AUTS2: variants seen among roughly 807,000 people sequenced by gnomAD.
AUTS2 encodes the protein autism susceptibility gene 2 protein.
A neutral mutation model predicts 112.4 loss-of-function variants in AUTS2; 17 were observed. The observed-to-expected ratio is 0.15, with a 90% confidence interval of 0.10 to 0.23. AUTS2 has a LOEUF of 0.23. Ranked by LOEUF, AUTS2 falls within the 10% of genes least tolerant of loss-of-function variation. The probability of loss-of-function intolerance (pLI) is 1.00; values close to 1 mark genes in which losing one functional copy is unlikely to be tolerated. For missense variants in AUTS2, 1,510 were observed against 1,701.6 expected (o/e 0.89, Z 1.98); for synonymous variants, 751 against 702.7 (o/e 1.07, Z -1.09).
chr7:70,591,111 G>A (rs1011608351), intron 5 of AUTS2, among the ~76,000 whole-genome samples: 2 of 152,178 alleles, frequency 1.3e-5, no homozygotes, highest in Non-Finnish European at 1.5e-5. Context: ...TGTGACTTGA[G>A]TAAGGCTCAG....
chr7:70,739,878 G>C (rs1017381180), intron 6 of AUTS2, among the ~76,000 whole-genome samples: 1 of 151,406 alleles, frequency 6.6e-6, no homozygotes, highest in African/African-American at 2.4e-5. Context: ...GTTCCCCTTG[G>C]GGCCATGTAA....
chr7:70,476,816 A>C (rs572275539), intron 5 of AUTS2, among the ~76,000 whole-genome samples: 1 of 152,190 alleles, frequency 6.6e-6, no homozygotes, highest in East Asian at 1.9e-4. Flanking sequence ...TATGAATGTA[A>C]AGCACAGTGC....
At chr7:69,849,588 T>C (rs961934812) in intron 1 of AUTS2, among the ~76,000 whole-genome samples, 4 of 151,968 alleles carry the variant, frequency 2.6e-5, no homozygotes, top group African/African-American at 9.7e-5. Flanking sequence ...ATAAATTTTA[T>C]TCATTTAAAA....
At chr7:70,511,874 G>A (rs1799210900) in intron 5 of AUTS2, among the ~76,000 whole-genome samples, 2 of 152,022 alleles carry the variant, frequency 1.3e-5, no homozygotes, top group South Asian at 2.1e-4. Context: ...ATCACATCCG[G>A]CCTGTCCTGT....
At chr7:70,479,070 A>C (rs1797691890) in intron 5 of AUTS2, among the ~76,000 whole-genome samples, 1 of 152,062 alleles carries the variant, frequency 6.6e-6, no homozygotes. Context: ...AGTGCAGAGA[A>C]AAAGGAGGTC....
chr7:70,204,031 C>CCA (rs200459194), intron 4 of AUTS2, among the ~76,000 whole-genome samples: 2,400 of 149,326 alleles, frequency 0.016, 66 homozygotes, highest in African/African-American at 0.052. Context: ...ACGTGTATGT[C>CCA]CACACACATA....
chr7:69,710,903 A>T (rs1384153900), intron 1 of AUTS2, among the ~76,000 whole-genome samples: 1 of 152,152 alleles, frequency 6.6e-6, no homozygotes, highest in East Asian at 1.9e-4. Context: ...ATTTGTCTGA[A>T]CTGGCCTGTG....
chr7:70,454,199 T>G (rs1796642025), intron 5 of AUTS2, among the ~76,000 whole-genome samples: 1 of 152,168 alleles, frequency 6.6e-6, no homozygotes, highest in Admixed American at 6.5e-5. Context: ...GGGTCTCTCT[T>G]TTTTTGGGGA....
chr7:69,911,281 G>C (rs1354942024), intron 2 of AUTS2, among the ~76,000 whole-genome samples: 1 of 152,170 alleles, frequency 6.6e-6, no homozygotes, highest in Non-Finnish European at 1.5e-5. Context: ...GGGCAACAAG[G>C]TGGCACCCAG....
intron 1 of AUTS2, among the ~76,000 whole-genome samples, chr7:69,715,993 T>C (rs1037784824): frequency 6.6e-6 from 1 of 152,182 alleles, no homozygotes; most frequent in Non-Finnish European, 1.5e-5. Context: ...TCTTAACCAC[T>C]ACACTGTCTG....
At chr7:70,439,756 A>G (rs1235371980) in intron 5 of AUTS2, among the ~76,000 whole-genome samples, 2 of 152,178 alleles carry the variant, frequency 1.3e-5, no homozygotes, top group Non-Finnish European at 2.9e-5. Flanking sequence ...TGCAATTGCC[A>G]AATATTTGGC....
intron 2 of AUTS2, among the ~76,000 whole-genome samples, chr7:69,975,291 G>T (rs1438672031): frequency 6.6e-6 from 1 of 151,638 alleles, no homozygotes; most frequent in Non-Finnish European, 1.5e-5. Flanking sequence ...AGATTTTTTT[G>T]CTATCTTTAG....
At chr7:70,441,574 A>G (rs1046466824) in intron 5 of AUTS2, among the ~76,000 whole-genome samples, 4 of 152,178 alleles carry the variant, frequency 2.6e-5, no homozygotes, top group Non-Finnish European at 5.9e-5. Flanking sequence ...TTCTGTAGAG[A>G]TGGAGTCTCA....
intron 5 of AUTS2, among the ~76,000 whole-genome samples, chr7:70,676,172 G>C (rs1318646711): frequency 4.6e-5 from 7 of 152,226 alleles, no homozygotes; most frequent in Admixed American, 1.3e-4. Flanking sequence ...CAGATGTGGT[G>C]GCTCATGCCT....
rs958247385 is a variant in AUTS2, at chr7:69,806,203, T to A, written c.310-93083T>A. ...CCACCATGCCCAGCCAAGGCTTTTT[T>A]TTTTTTTTTTTTTTTTTTTTTTTTT... On this transcript the variant is annotated intron_variant, in intron 1 of 18. Transcript: ENST00000342771. Among the ~76,000 whole-genome samples, 1,115 of 137,236 alleles carry A rather than the reference T, an allele frequency of 8.1e-3. 22 individuals carry two copies. The highest frequency in any genetic ancestry group is 0.03 in the African/African-American group (1,059 of 35,174). 90.0% of individuals were successfully genotyped at this position (137,236 alleles called of 152,430 possible).
intron 4 of AUTS2, among the ~76,000 whole-genome samples, chr7:70,327,043 A>G (rs1423696949): frequency 6.8e-6 from 1 of 148,050 alleles, no homozygotes; most frequent in African/African-American, 2.5e-5. Flanking sequence ...TCAGCCTCCC[A>G]GGTAGCTGGG....
At chr7:70,696,572 A>C (rs1475769139) in intron 5 of AUTS2, among the ~76,000 whole-genome samples, 3 of 152,210 alleles carry the variant, frequency 2.0e-5, no homozygotes, top group Admixed American at 2.0e-4. Flanking sequence ...TGGTTCAGAC[A>C]TGAGGATCAC....
intron 2 of AUTS2, among the ~76,000 whole-genome samples, chr7:69,916,090 C>A (rs1584436313): frequency 6.6e-6 from 1 of 152,276 alleles, no homozygotes; most frequent in South Asian, 2.1e-4. Flanking sequence ...ATTACGTGAT[C>A]TCAGGAGTAG....
chr7:70,171,356 A>G (rs927011803), intron 4 of AUTS2, among the ~76,000 whole-genome samples: 2 of 152,152 alleles, frequency 1.3e-5, no homozygotes, highest in East Asian at 1.9e-4. Flanking sequence ...TCGCAGTTCT[A>G]TTCTGAGAGG....
Sources: gnomAD v4.1 joint callset for allele counts (sites outside exome capture counted in the v4.1 genomes callset) on GRCh38, gnomAD v4.1.1 for gene constraint, MANE v1.5 for transcripts, NCBI Gene and HGNC (gene_info 2026-07-23, HGNC 2026-07-21) for gene names.